LRMDA: variants seen among roughly 807,000 people sequenced by gnomAD.
LRMDA encodes leucine-rich melanocyte differentiation-associated protein.
In LRMDA, 18 loss-of-function variants were observed where a neutral mutation model predicts 29.8. That is an observed-to-expected ratio of 0.60 (90% CI 0.42 to 0.90). The LOEUF (loss-of-function observed/expected upper bound fraction) is 0.90. LRMDA is among the 40% of genes least tolerant of loss of function. The pLI, the probability that LRMDA is intolerant of heterozygous loss-of-function variation, is 0.00. For synonymous variants in LRMDA, 125 were observed against 109.4 expected, an observed-to-expected ratio of 1.14 and a Z score of -0.89; for missense variants, 273 against 273.9, an observed-to-expected ratio of 1.00 and a Z score of 0.02.
intron 6 of LRMDA, among the ~76,000 whole-genome samples, chr10:76,424,406 G>T (rs758966136): frequency 9.2e-5 from 14 of 152,142 alleles, no homozygotes; most frequent in Non-Finnish European, 1.8e-4. Context: ...AGGCGTGGTG[G>T]CAGGCACCTG....
intron 5 of LRMDA, among the ~76,000 whole-genome samples, chr10:76,262,896 A>C (rs1341081316): frequency 6.6e-6 from 1 of 152,242 alleles, no homozygotes; most frequent in Non-Finnish European, 1.5e-5. Context: ...GATTGTTACC[A>C]GCCATTTGCC....
At chr10:75,853,084 C>T (rs1258816481) in intron 2 of LRMDA, among the ~76,000 whole-genome samples, 1 of 152,036 alleles carries the variant, frequency 6.6e-6, no homozygotes, top group East Asian at 1.9e-4. Context: ...GGGAAACTGC[C>T]CTCATGATTC....
chr10:75,795,600 A>G (rs1002057542), intron 2 of LRMDA, among the ~76,000 whole-genome samples: 3 of 152,160 alleles, frequency 2.0e-5, no homozygotes, highest in South Asian at 2.1e-4. Context: ...CTATTTTTCT[A>G]CCTTTATGCA....
At chr10:76,309,155 G>A (rs1302835918) in intron 5 of LRMDA, among the ~76,000 whole-genome samples, 2 of 152,214 alleles carry the variant, frequency 1.3e-5, no homozygotes, top group Non-Finnish European at 2.9e-5. Flanking sequence ...AAGGGAAAGA[G>A]GATATGGGAG....
At chr10:76,457,003 G>A (rs975394840) in intron 6 of LRMDA, among the ~76,000 whole-genome samples, 10 of 152,216 alleles carry the variant, frequency 6.6e-5, no homozygotes, top group South Asian at 2.1e-4. Context: ...CCGTAACTCC[G>A]ACTTTGAACA....
chr10:76,518,295 CTAT>C (rs1843083219), intron 6 of LRMDA, among the ~76,000 whole-genome samples: 1 of 150,174 alleles, frequency 6.7e-6, no homozygotes, highest in Non-Finnish European at 1.5e-5. Context: ...ATCTATCTAT[CTAT>C]CTATCTATCT....
intron 2 of LRMDA, among the ~76,000 whole-genome samples, chr10:75,863,236 G>C (rs544129241): frequency 2.6e-5 from 4 of 152,278 alleles, no homozygotes; most frequent in Non-Finnish European, 4.4e-5. Flanking sequence ...GTTAGCGTTG[G>C]GGGGAGGGGA....
intron 5 of LRMDA, among the ~76,000 whole-genome samples, chr10:76,264,164 C>T (rs1304245856): frequency 2.0e-5 from 3 of 151,962 alleles, no homozygotes; most frequent in African/African-American, 7.3e-5. Context: ...TTTGGGAGGC[C>T]GAGACCGGCA....
At chr10:75,558,745 T>C (rs1840250277) in intron 2 of LRMDA, among the ~76,000 whole-genome samples, 1 of 150,090 alleles carries the variant, frequency 6.7e-6, no homozygotes, top group Non-Finnish European at 1.5e-5. Context: ...TGTGTTCTCA[T>C]TGTTCAATTT....
chr10:75,934,191 C>T (rs2132403255), intron 2 of LRMDA, among the ~76,000 whole-genome samples: 1 of 152,314 alleles, frequency 6.6e-6, no homozygotes, highest in South Asian at 2.1e-4. Flanking sequence ...TTTATGCTTT[C>T]TTTATGGCAT....
At chr10:75,480,746 G>T (rs1233671929) in intron 2 of LRMDA, among the ~76,000 whole-genome samples, 1 of 152,224 alleles carries the variant, frequency 6.6e-6, no homozygotes, top group Non-Finnish European at 1.5e-5. Flanking sequence ...GAGAGAATGG[G>T]CTGCGGGTGC....
At chr10:75,678,886 G>T (rs1841992157) in intron 2 of LRMDA, among the ~76,000 whole-genome samples, 1 of 152,226 alleles carries the variant, frequency 6.6e-6, no homozygotes, top group Non-Finnish European at 1.5e-5. Context: ...CTCGAAGGAT[G>T]TGGGGAGTGG....
intron 2 of LRMDA, among the ~76,000 whole-genome samples, chr10:75,554,859 T>A (rs7900112): frequency 0.51 from 77,553 of 152,130 alleles, 22,341 homozygotes; most frequent in Non-Finnish European, 0.64. Flanking sequence ...TGCAAAGAAA[T>A]GAAGTATGTA....
At chr10:75,938,444 A>G (rs1023446295) in intron 2 of LRMDA, among the ~76,000 whole-genome samples, 14 of 152,130 alleles carry the variant, frequency 9.2e-5, no homozygotes, top group African/African-American at 3.4e-4. Flanking sequence ...AGGATGGGAG[A>G]AGGGATTTGT....
intron 5 of LRMDA, among the ~76,000 whole-genome samples, chr10:76,315,898 A>G (rs879908522): frequency 6.6e-6 from 1 of 151,496 alleles, no homozygotes; most frequent in African/African-American, 2.4e-5. Context: ...GCCCATAGAC[A>G]CCCTCCCCAC....
intron 2 of LRMDA, among the ~76,000 whole-genome samples, chr10:75,458,062 A>G (rs936260963): frequency 3.9e-5 from 6 of 152,176 alleles, no homozygotes; most frequent in Admixed American, 2.0e-4. Flanking sequence ...TCTTTGTTCC[A>G]TCACAAATCG....
intron 2 of LRMDA, among the ~76,000 whole-genome samples, chr10:75,699,515 T>A (rs1440029258): frequency 6.6e-6 from 1 of 152,252 alleles, no homozygotes; most frequent in East Asian, 1.9e-4. Flanking sequence ...GGGCTTTGAA[T>A]TTATTTGTTA....
intron 5 of LRMDA, among the ~76,000 whole-genome samples, chr10:76,245,776 A>G (rs965496014): frequency 9.2e-5 from 14 of 152,336 alleles, no homozygotes; most frequent in African/African-American, 3.4e-4. Context: ...CTGGGCATGC[A>G]TTGTATACAA....
intron 6 of LRMDA, among the ~76,000 whole-genome samples, chr10:76,372,657 C>A (rs549856192): frequency 3.3e-5 from 1 of 30,140 alleles, no homozygotes; most frequent in Non-Finnish European, 1.1e-4. Context: ...AAAAAGAAAT[C>A]CTTAATTCCC....
Sources: gnomAD v4.1 joint callset for allele counts (sites outside exome capture counted in the v4.1 genomes callset) on GRCh38, gnomAD v4.1.1 for gene constraint, MANE v1.5 for transcripts, NCBI Gene and HGNC (gene_info 2026-07-23, HGNC 2026-07-21) for gene names.